PARP8: variants seen among roughly 807,000 people sequenced by gnomAD.
PARP8 encodes the protein protein mono-ADP-ribosyltransferase PARP8.
Under a neutral mutation model 124.1 loss-of-function variants are expected in PARP8, and 51 were observed. The observed-to-expected ratio is 0.41, with a 90% CI of 0.33 to 0.52. PARP8 has a LOEUF of 0.52. Among genes scored for constraint, PARP8 ranks in the 20% least tolerant of loss-of-function variants. PARP8 has a pLI of 0.21. For synonymous variants in PARP8, 391 were observed against 361.5 expected (o/e 1.08, Z -0.93); for missense variants, 860 against 1,018.9 (o/e 0.84, Z 2.12).
At chr5:50,684,839 T>A (rs1014545579) in intron 2 of PARP8, among the ~76,000 whole-genome samples, 5 of 151,992 alleles carry the variant, frequency 3.3e-5, no homozygotes, top group African/African-American at 4.8e-5. Flanking sequence ...GCATGTGGGG[T>A]ATGAGGGATT....
At chr5:50,758,958 T>C (rs1209190526) in intron 3 of PARP8, among the ~76,000 whole-genome samples, 1 of 152,220 alleles carries the variant, frequency 6.6e-6, no homozygotes, top group African/African-American at 2.4e-5. Context: ...ATTTAATTCA[T>C]GGAAGAATGA....
chr5:50,668,721 A>G (rs1242409270), intron 2 of PARP8: 1 of 152,290 alleles, frequency 6.6e-6, no homozygotes, highest in Non-Finnish European at 1.5e-5. Flanking sequence ...ATTGTGAACA[A>G]CTTGAAACAA....
intron 2 of PARP8, among the ~76,000 whole-genome samples, chr5:50,671,504 TA>T (rs56008455): frequency 0.9 from 133,912 of 148,494 alleles, 60,373 homozygotes; most frequent in East Asian, 1. Context: ...TTGTGTTTTG[TA>T]AAAAAAAAAA....
chr5:50,833,522 A>G, intron 23 of PARP8: 1 of 349,784 alleles, frequency 2.9e-6, no homozygotes, highest in Non-Finnish European at 5.6e-6. Context: ...GAAAAAAAAA[A>G]AAATCCCAGA....
intron 10 of PARP8, among the ~76,000 whole-genome samples, chr5:50,790,220 A>G (rs27465): frequency 0.16 from 23,620 of 152,192 alleles, 2,229 homozygotes; most frequent in African/African-American, 0.27. Flanking sequence ...AATTTACAAT[A>G]TGTGTTTAGC....
At chr5:50,679,097 C>A (rs371289027) in intron 2 of PARP8, among the ~76,000 whole-genome samples, 2 of 151,928 alleles carry the variant, frequency 1.3e-5, no homozygotes, top group Non-Finnish European at 2.9e-5. Context: ...CTTTTTATTC[C>A]TTTACTTTCT....
rs1186650202 is a variant in PARP8, at chr5:50,826,945, A to G, written c.1977+142A>G. 2.3e-5 allele frequency: 28 copies of G among 1,230,960 alleles called. No individual in the cohort carries two copies. In the Admixed American group the frequency reaches 1.0e-3, roughly 45 times the overall value. 76.3% of individuals were successfully genotyped at this position (1,230,960 alleles called of 1,614,324 possible). On this transcript the variant is annotated intron_variant, in intron 19 of 25. Coordinates refer to ENST00000281631, the MANE Select transcript of PARP8 (RefSeq NM_024615.4). ...GGTTAAATATAATTCTTTAGTTTGA[A>G]ATAGCCATTGCTCACTAGCTCCAAA... is the stretch of plus-strand genomic sequence containing the variant.
intron 22 of PARP8, among the ~76,000 whole-genome samples, chr5:50,831,626 G>T (rs1746996960): frequency 6.6e-6 from 1 of 152,038 alleles, no homozygotes; most frequent in African/African-American, 2.4e-5. Flanking sequence ...TAAGAAACCA[G>T]CTGAAATAAA....
intron 9 of PARP8, among the ~76,000 whole-genome samples, chr5:50,786,566 C>T (rs1258541348): frequency 6.6e-6 from 1 of 151,096 alleles, no homozygotes; most frequent in Non-Finnish European, 1.5e-5. Flanking sequence ...TGGAGTCTCT[C>T]TATGTTTCCA....
At chr5:50,674,731 AT>A (rs1750418397) in intron 2 of PARP8, among the ~76,000 whole-genome samples, 2 of 152,150 alleles carry the variant, frequency 1.3e-5, no homozygotes, top group African/African-American at 4.8e-5. Context: ...GTTTGTATTA[AT>A]TTAGTGTAAA....
chr5:50,778,483 T>G, intron 8 of PARP8, 77 bp from the exon 9 acceptor site: 10 of 1,300,270 alleles, frequency 7.7e-6, no homozygotes, highest in Non-Finnish European at 1.1e-5. Context: ...AACACAAGTT[T>G]TAAAAGTTTG....
At chr5:50,705,404 A>G (rs1478830669) in intron 2 of PARP8, among the ~76,000 whole-genome samples, 1 of 152,208 alleles carries the variant, frequency 6.6e-6, no homozygotes, top group Non-Finnish European at 1.5e-5. Flanking sequence ...TAGTGTCTAT[A>G]TTATATATAA....
At position 50,760,371 on chromosome 5, in the gene PARP8, A is replaced by T. The variant is rs763210704; in HGVS notation, c.345+9A>T. 1 of 1,502,552 alleles carries T rather than the reference A, an allele frequency of 6.7e-7. No homozygotes were observed. The highest frequency in any genetic ancestry group is 9.1e-7 in the Non-Finnish European group (1 of 1,103,446). 93.1% of individuals were successfully genotyped at this position (1,502,552 alleles called of 1,614,324 possible). A position where few individuals can be genotyped will look rare whatever the true frequency, so the allele number is the denominator to read the frequency against. ...AAAAGGAAAATGGGGAGGTATGTAA[A>T]TTATATTTTTTATTTTCTTGAAACA... On this transcript the variant is annotated intron_variant, in intron 5 of 25. Coordinates refer to ENST00000281631, the MANE Select transcript of PARP8 (RefSeq NM_024615.4).
At chr5:50,747,894 TC>T (rs748509478) in intron 2 of PARP8, among the ~76,000 whole-genome samples, 2 of 146,120 alleles carry the variant, frequency 1.4e-5, no homozygotes, top group East Asian at 4.2e-4. Flanking sequence ...TGCCCCAGCC[TC>T]CCGAATAGCT....
At chr5:50,677,935 A>C (rs1750827007) in intron 2 of PARP8, among the ~76,000 whole-genome samples, 2 of 152,082 alleles carry the variant, frequency 1.3e-5, no homozygotes. Context: ...AAAAAAAAAA[A>C]ACCCTGTACA....
rs1424101162 is a variant in PARP8 at position 50,794,941 on chromosome 5, C to T, written c.952C>T (p.Leu318=). 1.2e-6 allele frequency: 2 copies of T among 1,614,102 alleles called. No homozygotes were observed. The highest frequency in any genetic ancestry group is 1.3e-5 in the African/African-American group (1 of 74,942). Residue 318 remains leucine (L), a synonymous_variant, in exon 12 of 26, where the codon CTG becomes TTG. Transcript: ENST00000281631. ...QDGISKTHKL[L]RRTCSSTVKT... ...CGGAATCTCCAAAACGCATAAGCTG[C>T]TGCGGAGGACTTGTTCCAGCACAGT...
chr5:50,732,180 G>A (rs887079921), intron 2 of PARP8, among the ~76,000 whole-genome samples: 3 of 151,636 alleles, frequency 2.0e-5, no homozygotes, highest in African/African-American at 7.3e-5. Context: ...TGAGAACATT[G>A]GTTTCTTACT....
chr5:50,824,941 A>T lies in PARP8; in HGVS notation c.1894A>T (p.Lys632Ter). Residue 632 changes from lysine (K) to a stop codon, truncating the protein, a stop_gained, in exon 18 of 26, where the codon AAA becomes TAA. Coordinates refer to ENST00000281631, the MANE Select transcript of PARP8 (RefSeq NM_024615.4). LOFTEE classifies it high-confidence loss of function. ...TCTGGAAATCAAGAAGCAAATGGAT[A>T]AACAGGACCCCCTTGCTCATCCCTT... Reference protein sequence around the residue: ...PYLEIKKQMDKQDPLAHPLLQ... With the variant: ...PYLEIKKQMD 1 of 1,613,382 alleles carries T rather than the reference A, an allele frequency of 6.2e-7. No homozygotes were observed. Among genetic ancestry groups the T allele is most frequent in the Non-Finnish European group, 8.5e-7 (1 of 1,179,408 alleles).
intron 2 of PARP8, among the ~76,000 whole-genome samples, chr5:50,690,123 TGAA>T (rs561365518): frequency 1.6e-4 from 24 of 152,292 alleles, no homozygotes; most frequent in Middle Eastern, 3.4e-3. Flanking sequence ...GAGCCTTAGG[TGAA>T]GATTGAGCTG....
Sources: allele counts gnomAD v4.1 joint callset (sites outside exome capture counted in the v4.1 genomes callset), GRCh38; gene constraint gnomAD v4.1.1; transcripts MANE v1.5; gene names NCBI Gene and HGNC (gene_info 2026-07-23, HGNC 2026-07-21).